The following FANCB variants were observed in gnomAD, a reference collection of about 807,000 sequenced individuals.
FANCB encodes Fanconi anemia group B protein.
FANCB carries 5 observed loss-of-function variants against 38.9 expected under a neutral mutation model. That is an observed-to-expected ratio of 0.13 (90% CI 0.07 to 0.27). The LOEUF (loss-of-function observed/expected upper bound fraction) is 0.27, where lower values mean the gene tolerates loss of function less well. Ranked by LOEUF, FANCB falls within the 10% of genes least tolerant of loss-of-function variation. FANCB has a pLI of 1.00. For synonymous variants in FANCB, 236 were observed against 215.4 expected (o/e 1.10, Z -0.84); for missense variants, 573 against 602.7 (o/e 0.95, Z 0.52).
chrX:14,700,084 C>G, the FANCB span, among the ~76,000 whole-genome samples: 1 of 110,998 alleles, frequency 9.0e-6, no homozygotes, highest in Non-Finnish European at 1.9e-5. Context: ...CAACAGACCC[C>G]CAGTTACAGA....
the FANCB span, among the ~76,000 whole-genome samples, chrX:14,764,860 T>C: frequency 8.9e-6 from 1 of 111,862 alleles, no homozygotes; most frequent in African/African-American, 3.3e-5. Flanking sequence ...TTGTCACTAG[T>C]TCTCAGGAAG....
At chrX:14,785,854 G>T in the FANCB span, among the ~76,000 whole-genome samples, 1 of 111,567 alleles carries the variant, frequency 9.0e-6, no homozygotes, top group Admixed American at 9.5e-5. Context: ...AAGTGATGGG[G>T]TCCTGATTGC....
the FANCB span, among the ~76,000 whole-genome samples, chrX:14,789,326 C>T: frequency 9.0e-6 from 1 of 111,031 alleles, no homozygotes; most frequent in Admixed American, 9.6e-5. Context: ...CAAAGAAAGC[C>T]AACAATTAGG....
chrX:14,795,707 C>T, the FANCB span, among the ~76,000 whole-genome samples: 2 of 111,909 alleles, frequency 1.8e-5, no homozygotes, highest in South Asian at 7.3e-4. Flanking sequence ...AAGTTTCAAA[C>T]AAGCAGAGAT....
chrX:14,720,403 C>T, the FANCB span, among the ~76,000 whole-genome samples: 1 of 111,703 alleles, frequency 9.0e-6, no homozygotes, highest in African/African-American at 3.3e-5. Flanking sequence ...TCAGGTTAAG[C>T]ATTTTGGATA....
At chrX:14,765,234 G>A in the FANCB span, among the ~76,000 whole-genome samples, 3 of 111,564 alleles carry the variant, frequency 2.7e-5, no homozygotes, top group African/African-American at 9.8e-5. Flanking sequence ...TGCAACTGCA[G>A]CTGACATTTT....
At chrX:14,724,321 A>G in the FANCB span, among the ~76,000 whole-genome samples, 2 of 110,974 alleles carry the variant, frequency 1.8e-5, no homozygotes, top group Non-Finnish European at 3.8e-5. Flanking sequence ...CTCAATAAAT[A>G]TTTGTTAAAA....
At chrX:14,730,261 C>T in the FANCB span, 1 of 1,195,591 alleles carries the variant, frequency 8.4e-7, no homozygotes, top group African/African-American at 1.8e-5. Context: ...TGGGATGGGT[C>T]ACTGCCTCCA....
chrX:14,816,921 T>A, the FANCB span, among the ~76,000 whole-genome samples: 2 of 111,888 alleles, frequency 1.8e-5, no homozygotes, highest in Non-Finnish European at 3.8e-5. Flanking sequence ...AAAAGGAGAA[T>A]AATGTTACCT....
the FANCB span, among the ~76,000 whole-genome samples, chrX:14,721,960 A>G: frequency 8.9e-6 from 1 of 111,788 alleles, no homozygotes; most frequent in African/African-American, 3.3e-5. Context: ...TTCCACAGCA[A>G]TTGCCTTTCT....
chrX:14,822,297 T>C, the FANCB span, among the ~76,000 whole-genome samples: 2 of 110,028 alleles, frequency 1.8e-5, no homozygotes, highest in African/African-American at 6.6e-5. Flanking sequence ...CTCTGCTTGA[T>C]TGCCTGATCC....
Position 14,845,082 on chromosome X carries a change from T to C in FANCB, c.1701A>G (p.Glu567=), listed in dbSNP as rs766587734. ...DSKKEESFVC[E]HPSKKECVQI... is the part of the protein sequence containing the mutation. ...GTACACACTCTTTCTTAGATGGGTGTTCACAAACAAAGCTTTCCTCTTTCT... is the reference window on the plus strand; with the variant it reads ...GTACACACTCTTTCTTAGATGGGTGCTCACAAACAAAGCTTTCCTCTTTCT... Residue 567 remains glutamate (E), a synonymous_variant, in exon 8 of 10, where the codon GAA becomes GAG. Coordinates refer to ENST00000650831, the MANE Select transcript of FANCB (RefSeq NM_001018113.3). 3.3e-6 allele frequency: 4 copies of C among 1,208,977 alleles called. No individual in the cohort carries two copies. The highest frequency in any genetic ancestry group is 1.8e-5 in the South Asian group (1 of 56,861).
At chrX:14,718,879 A>G in the FANCB span, among the ~76,000 whole-genome samples, 1 of 111,892 alleles carries the variant, frequency 8.9e-6, no homozygotes, top group Non-Finnish European at 1.9e-5. Context: ...ACTGCATTCT[A>G]TTACTTACAA....
At chrX:14,703,070 G>A in the FANCB span, among the ~76,000 whole-genome samples, 2 of 111,766 alleles carry the variant, frequency 1.8e-5, no homozygotes, top group Middle Eastern at 4.7e-3. Flanking sequence ...GCATGGTTTC[G>A]TGGGCTATGC....
chrX:14,707,757 G>GGTGTGTGTGTGTGTGT, the FANCB span, among the ~76,000 whole-genome samples: 1 of 106,211 alleles, frequency 9.4e-6, no homozygotes, highest in African/African-American at 3.4e-5. Flanking sequence ...CAGCAAAAAA[G>GGTGTGTGTGTGTGTGT]GTGTGTGTGT....
At chrX:14,749,869 A>C in the FANCB span, among the ~76,000 whole-genome samples, 1 of 112,363 alleles carries the variant, frequency 8.9e-6, no homozygotes, top group Non-Finnish European at 1.9e-5. Flanking sequence ...GCTTCTGTGA[A>C]GGTTGAAGTT....
chrX:14,810,214 G>GA, the FANCB span, among the ~76,000 whole-genome samples: 4 of 111,612 alleles, frequency 3.6e-5, no homozygotes, highest in African/African-American at 9.8e-5. Flanking sequence ...CAAAGATGGG[G>GA]AAAAAACAGA....
the FANCB span, among the ~76,000 whole-genome samples, chrX:14,811,644 C>T: frequency 4.5e-5 from 5 of 111,861 alleles, no homozygotes; most frequent in African/African-American, 1.6e-4. Context: ...ACACCCAATA[C>T]AGGAGCACCC....
At chrX:14,781,735 G>A in the FANCB span, among the ~76,000 whole-genome samples, 2 of 112,129 alleles carry the variant, frequency 1.8e-5, no homozygotes, top group Non-Finnish European at 3.8e-5. Context: ...TGGGGATATG[G>A]CACAAGGAAC....
Sources: allele counts gnomAD v4.1 joint callset (sites outside exome capture counted in the v4.1 genomes callset), GRCh38; gene constraint gnomAD v4.1.1; transcripts MANE v1.5; gene names NCBI Gene and HGNC (gene_info 2026-07-23, HGNC 2026-07-21).